MARCHF1: variants seen among roughly 807,000 people sequenced by gnomAD.
MARCHF1 encodes membrane associated ring-CH-type finger 1, also known as E3 ubiquitin-protein ligase MARCHF1.
Under a neutral mutation model 54.2 loss-of-function variants are expected in MARCHF1, and 40 were observed. The ratio of observed to expected loss-of-function variants is 0.74; its 90% CI spans 0.57 to 0.96. The LOEUF is 0.96. Ranked by LOEUF, MARCHF1 falls within the 40% of genes least tolerant of loss-of-function variation. The pLI is 0.00. For synonymous variants in MARCHF1, 236 were observed against 236.3 expected, an observed-to-expected ratio of 1.00 and a Z score of 0.01; for missense variants, 586 against 656.5, an observed-to-expected ratio of 0.89 and a Z score of 1.17.
intron 2 of MARCHF1, among the ~76,000 whole-genome samples, chr4:163,991,245 T>A (rs913172468): frequency 1.3e-5 from 2 of 152,346 alleles, no homozygotes; most frequent in Admixed American, 6.5e-5. Flanking sequence ...TCAGTCTGTT[T>A]AATAAATATT....
At chr4:164,279,955 T>C (rs774743494) in intron 1 of MARCHF1, among the ~76,000 whole-genome samples, 2 of 151,878 alleles carry the variant, frequency 1.3e-5, no homozygotes, top group African/African-American at 4.8e-5. Context: ...TGTATTATTC[T>C]GGAAATTTTT....
At chr4:164,352,069 T>C (rs1285362818) in intron 1 of MARCHF1, among the ~76,000 whole-genome samples, 24 of 125,568 alleles carry the variant, frequency 1.9e-4, no homozygotes, top group African/African-American at 6.6e-4. Context: ...GAAAAAAGAA[T>C]AAAAAGAAAT....
intron 3 of MARCHF1, among the ~76,000 whole-genome samples, chr4:163,883,602 A>G (rs1461477401): frequency 6.6e-6 from 1 of 152,230 alleles, no homozygotes; most frequent in Non-Finnish European, 1.5e-5. Flanking sequence ...TTCCTGAAGC[A>G]TACAGATAGG....
chr4:163,620,692 AAAAT>A (rs1741665996), intron 5 of MARCHF1, among the ~76,000 whole-genome samples: 1 of 151,928 alleles, frequency 6.6e-6, no homozygotes, highest in Non-Finnish European at 1.5e-5. Context: ...TTTTAGGAGA[AAAAT>A]AAAGTTTCAA....
At chr4:163,733,185 ATATATATATAT>A in intron 4 of MARCHF1, among the ~76,000 whole-genome samples, 1 of 16,230 alleles carries the variant, frequency 6.2e-5, no homozygotes. Context: ...GTGTATATAT[ATATATATATAT>A]ATATATATAT....
chr4:163,721,760 G>C (rs1745469906), intron 4 of MARCHF1, among the ~76,000 whole-genome samples: 1 of 152,092 alleles, frequency 6.6e-6, no homozygotes, highest in African/African-American at 2.4e-5. Context: ...AGTGTTGGGA[G>C]GGTGTATGTG....
At chr4:164,179,282 G>A (rs1327649763) in intron 1 of MARCHF1, among the ~76,000 whole-genome samples, 1 of 152,074 alleles carries the variant, frequency 6.6e-6, no homozygotes, top group Admixed American at 6.6e-5. Flanking sequence ...TCTGCACATA[G>A]TAAACTCTTA....
chr4:163,667,711 C>T (rs1444101456), intron 5 of MARCHF1, among the ~76,000 whole-genome samples: 5 of 151,942 alleles, frequency 3.3e-5, no homozygotes, highest in African/African-American at 1.2e-4. Flanking sequence ...CTGCAACCTC[C>T]ATCTCCTGGG....
At chr4:163,731,699 T>C (rs1239113299) in intron 4 of MARCHF1, among the ~76,000 whole-genome samples, 2 of 152,174 alleles carry the variant, frequency 1.3e-5, no homozygotes, top group Non-Finnish European at 2.9e-5. Context: ...GTGAAGAAAC[T>C]ACCTAAAGGA....
chr4:163,680,660 T>G (rs770069985), intron 5 of MARCHF1, among the ~76,000 whole-genome samples: 4 of 152,210 alleles, frequency 2.6e-5, no homozygotes, highest in Non-Finnish European at 4.4e-5. Context: ...TTCTTGCCAT[T>G]CTATCTTTAG....
At chr4:163,901,135 T>A (rs11724296) in intron 3 of MARCHF1, among the ~76,000 whole-genome samples, 23,818 of 152,196 alleles carry the variant, frequency 0.16, 2,441 homozygotes, top group South Asian at 0.27. Flanking sequence ...AAAGAGACAA[T>A]CTGGGTTTAG....
Position 164,236,395 on chromosome 4 carries a change from A to G in MARCHF1, c.-322-124733T>C, listed in dbSNP as rs4493490. ...GCAGGACTCATGCTTGTCCAACACA[A>G]ATATTTTTTCTGCAAGACACATAGC... is the stretch of plus-strand genomic sequence containing the variant. On this transcript the variant is annotated intron_variant, in intron 1 of 9. Coordinates refer to ENST00000514618, the MANE Select transcript of MARCHF1 (RefSeq NM_001394959.1). Among the ~76,000 whole-genome samples, 821 of 152,218 alleles carry G rather than the reference A, an allele frequency of 5.4e-3. 10 individuals carry two copies. Among genetic ancestry groups the G allele is most frequent in the African/African-American group, 0.019 (795 of 41,534 alleles).
chr4:163,977,534 A>G (rs942144316), intron 3 of MARCHF1, among the ~76,000 whole-genome samples: 3 of 152,158 alleles, frequency 2.0e-5, no homozygotes, highest in African/African-American at 7.2e-5. Context: ...GGCCATTTCT[A>G]TTCTCCAAAA....
chr4:164,168,648 C>T (rs1329601363), intron 1 of MARCHF1, among the ~76,000 whole-genome samples: 1 of 148,922 alleles, frequency 6.7e-6, no homozygotes, highest in Non-Finnish European at 1.5e-5. Flanking sequence ...TGCATGATCT[C>T]ACTTTTATGT....
At chr4:163,999,089 C>T (rs2110913304) in intron 2 of MARCHF1, among the ~76,000 whole-genome samples, 1 of 151,728 alleles carries the variant, frequency 6.6e-6, no homozygotes, top group South Asian at 2.1e-4. Context: ...GTTCCCTTTC[C>T]TGTACATCTT....
chr4:163,530,598 C>T (rs1000403282), intron 9 of MARCHF1: 1 of 151,850 alleles, frequency 6.6e-6, no homozygotes, highest in African/African-American at 2.4e-5. Flanking sequence ...TGTAAGAAAA[C>T]ATGAAAAGCC....
At chr4:163,553,524 G>A (rs1260188092) in intron 8 of MARCHF1, among the ~76,000 whole-genome samples, 1 of 152,156 alleles carries the variant, frequency 6.6e-6, no homozygotes, top group African/African-American at 2.4e-5. Flanking sequence ...AAGATAAGAA[G>A]GGTTATTACA....
intron 1 of MARCHF1, among the ~76,000 whole-genome samples, chr4:164,267,360 T>C (rs1221246410): frequency 2.0e-5 from 3 of 152,308 alleles, no homozygotes; most frequent in Non-Finnish European, 2.9e-5. Flanking sequence ...CTTCTGAGAT[T>C]AGATTATAAG....
intron 1 of MARCHF1, among the ~76,000 whole-genome samples, chr4:164,375,218 G>T (rs149160945): frequency 0.021 from 3,269 of 152,114 alleles, 48 homozygotes; most frequent in South Asian, 0.061. Flanking sequence ...ATAGACCTTT[G>T]TGTGTTACAC....
Sources: allele counts gnomAD v4.1 joint callset (sites outside exome capture counted in the v4.1 genomes callset), GRCh38; gene constraint gnomAD v4.1.1; transcripts MANE v1.5; gene names NCBI Gene and HGNC (gene_info 2026-07-23, HGNC 2026-07-21).